Variants in XYLB observed in about 807,000 individuals in gnomAD.
XYLB encodes xylulose kinase.
In XYLB, 62 loss-of-function variants were observed where a neutral mutation model predicts 78.7. The ratio of observed to expected loss-of-function variants is 0.79; its 90% confidence interval spans 0.64 to 0.97. The LOEUF (loss-of-function observed/expected upper bound fraction) is 0.97. XYLB is among the 50% of genes least tolerant of loss of function. XYLB has a pLI of 0.00. For synonymous variants in XYLB, 245 were observed against 247.4 expected (o/e 0.99, Z 0.09); for missense variants, 687 against 676.8 (o/e 1.02, Z -0.17).
intron 9 of XYLB, 148 bp downstream of exon 9, chr3:38,370,322 T>G (rs1430043944): frequency 1.4e-5 from 9 of 630,980 alleles, no homozygotes; most frequent in Non-Finnish European, 2.2e-5. Flanking sequence ...TGCAGGGTCT[T>G]CAGTTTAGCC....
intron 2 of XYLB, among the ~76,000 whole-genome samples, chr3:38,351,901 G>A (rs1705385656): frequency 1.3e-5 from 2 of 152,302 alleles, no homozygotes; most frequent in Middle Eastern, 6.8e-3. Flanking sequence ...TGTATGGATG[G>A]ACTACAATTG....
chr3:38,379,162 A>T (rs969054635), intron 14 of XYLB, 84 bp from the exon 15 acceptor site: 2 of 1,419,360 alleles, frequency 1.4e-6, no homozygotes, highest in Non-Finnish European at 2.0e-6. Flanking sequence ...TGTTGTTTAA[A>T]AAGATCACAC....
At chr3:38,379,470 T>G in intron 15 of XYLB, 128 bp downstream of exon 15, 1 of 859,930 alleles carries the variant, frequency 1.2e-6, no homozygotes, top group Non-Finnish European at 1.9e-6. Flanking sequence ...AGGAGGGAGG[T>G]GGAGCCTGAC....
In XYLB at chr3:38,374,472, A is replaced by G. The variant is rs781492033; in HGVS notation, c.858A>G (p.Ala286=). The change falls in exon 11 of 19, where the codon GCA becomes GCG. Residue 286 remains alanine, a synonymous_variant. Coordinates refer to ENST00000207870, the MANE Select transcript of XYLB (RefSeq NM_005108.4). ...AFTGDNPASL[A]GMRLEEGDIA... Reference sequence around the variant, plus strand: ...CCCTCCCATTCTCAGCGTCGCTGGCAGGCATGAGACTGGAGGAAGGTGACA... The same window carrying G: ...CCCTCCCATTCTCAGCGTCGCTGGCGGGCATGAGACTGGAGGAAGGTGACA... 3 of 1,614,024 alleles carry G rather than the reference A, an allele frequency of 1.9e-6. No individual in the cohort carries two copies. The highest frequency in any genetic ancestry group is 2.2e-5 in the South Asian group (2 of 91,082).
intron 2 of XYLB, among the ~76,000 whole-genome samples, 155 bp from the exon 3 acceptor site, chr3:38,360,184 C>T (rs1705888215): frequency 6.6e-6 from 1 of 152,196 alleles, no homozygotes; most frequent in Non-Finnish European, 1.5e-5. Context: ...CTTTGCAGCC[C>T]TCGTGCCTGT....
In XYLB at chr3:38,370,082, C is replaced by T; in HGVS notation, c.673C>T (p.Gln225Ter). The part of the protein sequence containing the change: ...DGSGMNLLQI[Q>*]DKVWSQACLG... ...TTCTGGAATGAATTTGTTGCAGATA[C>T]AGGATAAAGTCTGGTCCCAGGCTTG... Residue 225 changes from glutamine to a stop codon, truncating the protein, a stop_gained, in exon 9 of 19, where the codon CAG (glutamine) becomes TAG (stop). Coordinates refer to ENST00000207870, the MANE Select transcript of XYLB (RefSeq NM_005108.4). LOFTEE classifies it high-confidence loss of function. 6.2e-7 allele frequency: 1 copy of T among 1,614,142 alleles called. No homozygotes were observed. The highest frequency in any genetic ancestry group is 8.5e-7 in the Non-Finnish European group (1 of 1,180,016).
intron 15 of XYLB, among the ~76,000 whole-genome samples, chr3:38,380,140 A>T (rs566503211): frequency 2.0e-5 from 3 of 152,280 alleles, no homozygotes; most frequent in Admixed American, 6.5e-5. Context: ...TAATCCACTC[A>T]TAAAGCCCTC....
intron 7 of XYLB, among the ~76,000 whole-genome samples, chr3:38,367,180 CTG>C (rs1356558064): frequency 6.6e-6 from 1 of 152,154 alleles, no homozygotes; most frequent in Admixed American, 6.5e-5. Context: ...TCTGAGCAGG[CTG>C]TGTCTGCTCA....
At position 38,379,243 on chromosome 3, in the gene XYLB, C is replaced by G; in HGVS notation, c.1195-3C>G. 6.2e-7 allele frequency: 1 copy of G among 1,614,048 alleles called. No homozygotes were observed. The highest frequency in any genetic ancestry group is 8.5e-7 in the Non-Finnish European group (1 of 1,179,980). On this transcript the variant is annotated splice_polypyrimidine_tract_variant and splice_region_variant and intron_variant, in intron 14 of 18. Coordinates refer to ENST00000207870, the MANE Select transcript of XYLB (RefSeq NM_005108.4). Reference sequence around the variant, plus strand: ...CTCTGTGCCCACCTTTTCCTGGAGACAGGTTGCAGCATTCCCTGGGGATGT... The same window carrying G: ...CTCTGTGCCCACCTTTTCCTGGAGAGAGGTTGCAGCATTCCCTGGGGATGT...
At position 38,413,440 on chromosome 3, in the gene XYLB, A is replaced by G. The variant is rs7373930; in HGVS notation, c.*427A>G. On this transcript the variant is annotated 3_prime_UTR_variant, in exon 19 of 19. Coordinates refer to ENST00000207870, the MANE Select transcript of XYLB (RefSeq NM_005108.4). ...TCCAACCCTGACTGCCCACTCCTCC[A>G]CAAACCGTGACCCATAGCCGCCCCC... 113,709 of 157,314 alleles carry G rather than the reference A, an allele frequency of 0.72. 41,852 individuals carry two copies. Among genetic ancestry groups the G allele is most frequent in the African/African-American group, 0.87 (36,136 of 41,602 alleles). The allele number at this position is 157,314 out of a possible 1,614,324, so 9.7% of individuals were successfully genotyped here.
chr3:38,376,881 A>T (rs750271642), intron 13 of XYLB, 37 bp from the exon 14 acceptor site: 16 of 1,577,060 alleles, frequency 1.0e-5, no homozygotes, highest in Admixed American at 8.4e-5. Context: ...TTGTTTTTTG[A>T]CTAATGACGG....
chr3:38,443,741 C>A, the XYLB span, among the ~76,000 whole-genome samples: 1 of 152,026 alleles, frequency 6.6e-6, no homozygotes, highest in African/African-American at 2.4e-5. Context: ...ATAAATTGAC[C>A]CTCGAGGGAG....
rs780227930 is a variant in XYLB at position 38,400,202 on chromosome 3, GC to G, written c.1439-687del. 3.3e-5 allele frequency among the ~76,000 whole-genome samples: 5 copies of G among 152,242 alleles called. No homozygotes were observed. The East Asian group carries it at 9.6e-4, about 29-fold the overall frequency. On this transcript the variant is annotated intron_variant, in intron 17 of 18. Coordinates refer to ENST00000207870, the MANE Select transcript of XYLB (RefSeq NM_005108.4). ...AGTAATTATTGAGTGCCCCCTGTAT[GC>G]CAGATGGTGTGCTAGGCACCATGGT... is the stretch of plus-strand genomic sequence containing the variant.
chr3:38,358,893 T>C (rs1705820668), intron 2 of XYLB, among the ~76,000 whole-genome samples: 1 of 152,218 alleles, frequency 6.6e-6, no homozygotes, highest in African/African-American at 2.4e-5. Context: ...CCTATAGCTG[T>C]GAAACTACCA....
At chr3:38,448,397 C>T in the XYLB span, among the ~76,000 whole-genome samples, 1 of 152,180 alleles carries the variant, frequency 6.6e-6, no homozygotes, top group Non-Finnish European at 1.5e-5. Context: ...GAACAATACA[C>T]ATTATATACA....
chr3:38,391,139 A>G (rs551184691), intron 15 of XYLB, among the ~76,000 whole-genome samples: 4 of 152,214 alleles, frequency 2.6e-5, no homozygotes. Context: ...ACTTGAACCC[A>G]GGAGGCGGAG....
the XYLB span, among the ~76,000 whole-genome samples, chr3:38,442,442 G>A: frequency 6.6e-6 from 1 of 152,174 alleles, no homozygotes; most frequent in African/African-American, 2.4e-5. Flanking sequence ...CTTGGGGCAA[G>A]ACCGTCCACA....
chr3:38,411,852 C>A (rs1253777038), intron 18 of XYLB, among the ~76,000 whole-genome samples: 1 of 152,092 alleles, frequency 6.6e-6, no homozygotes, highest in Non-Finnish European at 1.5e-5. Flanking sequence ...TTCCTCAGGG[C>A]CTCCTTGAGT....
downstream of XYLB, among the ~76,000 whole-genome samples, chr3:38,419,791 T>C (rs1198573399): frequency 2.0e-5 from 3 of 151,624 alleles, no homozygotes; most frequent in East Asian, 5.8e-4. Context: ...AGATAGTTTA[T>C]GGTATATGGA....
Sources: allele counts gnomAD v4.1 joint callset (sites outside exome capture counted in the v4.1 genomes callset), GRCh38; gene constraint gnomAD v4.1.1; transcripts MANE v1.5; gene names NCBI Gene and HGNC (gene_info 2026-07-23, HGNC 2026-07-21).